The following NDST3 variants were observed in gnomAD, a reference collection of about 807,000 sequenced individuals.
The protein encoded by NDST3 is N-deacetylase and N-sulfotransferase 3.
In NDST3, 58 loss-of-function variants were observed where a neutral mutation model predicts 96.1. That is an observed-to-expected ratio of 0.60 (90% CI 0.49 to 0.75). NDST3 has a LOEUF of 0.75. NDST3 is among the 30% of genes least tolerant of loss of function. The probability of loss-of-function intolerance (pLI) is 0.00; values close to 1 mark genes in which losing one functional copy is unlikely to be tolerated. For synonymous variants in NDST3, 333 were observed against 359.7 expected, an observed-to-expected ratio of 0.93 and a Z score of 0.84; for missense variants, 788 against 1,034.2, an observed-to-expected ratio of 0.76 and a Z score of 3.27.
chr4:118,045,179 C>T (rs1169700056), intron 1 of NDST3, among the ~76,000 whole-genome samples: 1 of 152,102 alleles, frequency 6.6e-6, no homozygotes. Flanking sequence ...CTCATTCCTG[C>T]CTCTGTAACA....
chr4:118,174,608 T>C lies in NDST3; in HGVS notation c.1539+30924T>C, dbSNP rs1466690542. ...AAGGTGATGGAATATTTTGACAGCA[T>C]GCTGCTAACTTAAACATTTTTGTTT... On this transcript the variant is annotated intron_variant, in intron 6 of 13. Coordinates refer to ENST00000296499, the MANE Select transcript of NDST3 (RefSeq NM_004784.3). Among the ~76,000 whole-genome samples, 3 of 152,318 alleles carry C rather than the reference T, an allele frequency of 2.0e-5. No individual in the cohort carries two copies. The East Asian group carries it at 5.8e-4, about 29-fold the overall frequency.
intron 2 of NDST3, among the ~76,000 whole-genome samples, chr4:118,080,527 CTT>C (rs1333608445): frequency 6.6e-6 from 1 of 152,098 alleles, no homozygotes; most frequent in East Asian, 1.9e-4. Context: ...TTATTTCACT[CTT>C]TATTTTTAGG....
rs968374950 is a variant in NDST3, at chr4:118,205,148, G to C, written c.1540-19343G>C. ...CCTAACATTTCTCTAGAGTTGAGCA[G>C]GCCTTATCTTCCACTTTATAGTGAC... On this transcript the variant is annotated intron_variant, in intron 6 of 13. Coordinates refer to ENST00000296499, the MANE Select transcript of NDST3 (RefSeq NM_004784.3). Among the ~76,000 whole-genome samples the C allele has an allele frequency of 2.8e-5, 4 of 143,800 alleles. 1 individual carries two copies. Among genetic ancestry groups the C allele is most frequent in the Admixed American group, 6.9e-5 (1 of 14,528 alleles). The allele number at this position is 143,800 out of a possible 152,430, so 94.3% of individuals were successfully genotyped here. A position where few individuals can be genotyped will look rare whatever the true frequency, so the allele number is the denominator to read the frequency against.
chr4:118,105,773 C>T (rs747579106), intron 3 of NDST3, among the ~76,000 whole-genome samples: 3 of 152,104 alleles, frequency 2.0e-5, no homozygotes, highest in Admixed American at 1.3e-4. Context: ...CTTCCTGTTA[C>T]GAACATTTTT....
At chr4:118,086,541 G>T (rs1206996095) in intron 2 of NDST3, among the ~76,000 whole-genome samples, 1 of 151,992 alleles carries the variant, frequency 6.6e-6, no homozygotes, top group African/African-American at 2.4e-5. Flanking sequence ...CAGCTTCACA[G>T]GAATTACATA....
At chr4:118,191,615 G>T (rs1210692738) in intron 6 of NDST3, among the ~76,000 whole-genome samples, 1 of 152,162 alleles carries the variant, frequency 6.6e-6, no homozygotes, top group African/African-American at 2.4e-5. Context: ...AGGTGTATAT[G>T]GGGTACATGA....
At chr4:118,105,163 T>TA in intron 3 of NDST3, 58 bp downstream of exon 3, 1 of 1,327,166 alleles carries the variant, frequency 7.5e-7, no homozygotes, top group Non-Finnish European at 1.1e-6. Flanking sequence ...CTATTTAAAA[T>TA]TGCACACTTT....
intron 2 of NDST3, among the ~76,000 whole-genome samples, chr4:118,095,771 T>C (rs1446065179): frequency 6.6e-6 from 1 of 151,942 alleles, no homozygotes; most frequent in East Asian, 1.9e-4. Flanking sequence ...CTACTCTCTC[T>C]ATCTATGGCT....
At chr4:118,065,398 G>A (rs1317345539) in intron 2 of NDST3, among the ~76,000 whole-genome samples, 2 of 152,098 alleles carry the variant, frequency 1.3e-5, no homozygotes, top group Non-Finnish European at 2.9e-5. Context: ...TTACACACAG[G>A]AGGTTAAACA....
chr4:118,065,604 T>C (rs1431960734), intron 2 of NDST3, among the ~76,000 whole-genome samples: 1 of 152,078 alleles, frequency 6.6e-6, no homozygotes, highest in African/African-American at 2.4e-5. Flanking sequence ...TACCACATAG[T>C]CACCTAAGCA....
chr4:118,133,411 C>A (rs1300757976), intron 4 of NDST3, among the ~76,000 whole-genome samples: 5 of 152,146 alleles, frequency 3.3e-5, no homozygotes, highest in African/African-American at 1.2e-4. Context: ...CATAAATAGA[C>A]CCTCCGCACT....
intron 6 of NDST3, among the ~76,000 whole-genome samples, chr4:118,146,562 C>T (rs1733962372): frequency 6.6e-6 from 1 of 152,232 alleles, no homozygotes; most frequent in East Asian, 1.9e-4. Context: ...GTAAAAAAAC[C>T]GTTAAACAGA....
chr4:118,213,757 T>C (rs1738997663), intron 6 of NDST3, among the ~76,000 whole-genome samples: 4 of 150,618 alleles, frequency 2.7e-5, no homozygotes, highest in African/African-American at 9.7e-5. Context: ...AAATCCTATA[T>C]ATAAGATTTT....
chr4:118,124,881 T>C (rs1470511980), intron 4 of NDST3, among the ~76,000 whole-genome samples: 2 of 152,110 alleles, frequency 1.3e-5, no homozygotes, highest in African/African-American at 4.8e-5. Context: ...TTTTATTTTA[T>C]AGCCATATTT....
intron 1 of NDST3, among the ~76,000 whole-genome samples, chr4:118,036,820 A>G (rs1403781522): frequency 6.6e-6 from 1 of 152,178 alleles, no homozygotes; most frequent in Non-Finnish European, 1.5e-5. Context: ...CAATTAATTA[A>G]TGTCTATAAG....
chr4:118,039,109 G>A (rs1724306150), intron 1 of NDST3, among the ~76,000 whole-genome samples: 1 of 152,116 alleles, frequency 6.6e-6, no homozygotes, highest in Non-Finnish European at 1.5e-5. Context: ...TATTTGCTTG[G>A]TGGAGTCTTT....
intron 6 of NDST3, among the ~76,000 whole-genome samples, chr4:118,159,031 G>A (rs544058618): frequency 7.7e-4 from 117 of 152,318 alleles, no homozygotes; most frequent in Non-Finnish European, 1.4e-3. Context: ...ACTCAGCAGA[G>A]AGCAACTGGA....
chr4:118,100,089 T>C (rs559007068), intron 2 of NDST3, among the ~76,000 whole-genome samples: 28 of 152,150 alleles, frequency 1.8e-4, no homozygotes, highest in Non-Finnish European at 3.5e-4. Context: ...ATTTGAGGTG[T>C]GTCCGTGGGA....
intron 8 of NDST3, among the ~76,000 whole-genome samples, chr4:118,229,243 G>A (rs916410597): frequency 6.6e-6 from 1 of 152,236 alleles, no homozygotes; most frequent in Non-Finnish European, 1.5e-5. Flanking sequence ...AGATGTTGCA[G>A]TAAGCCAAGA....
Sources: gnomAD v4.1 joint callset for allele counts (sites outside exome capture counted in the v4.1 genomes callset) on GRCh38, gnomAD v4.1.1 for gene constraint, MANE v1.5 for transcripts, NCBI Gene and HGNC (gene_info 2026-07-23, HGNC 2026-07-21) for gene names.